The following TOGARAM2 variants were observed in gnomAD, a reference collection of about 807,000 sequenced individuals.
TOGARAM2 encodes TOG array regulator of axonemal microtubules protein 2.
In TOGARAM2, 85 loss-of-function variants were observed where a neutral mutation model predicts 93.3. The observed-to-expected ratio is 0.91, with a 90% CI of 0.76 to 1.09. The LOEUF (loss-of-function observed/expected upper bound fraction) is 1.09. TOGARAM2 is among the 50% of genes least tolerant of loss of function. TOGARAM2 has a pLI of 0.00. For synonymous variants in TOGARAM2, 593 were observed against 552.8 expected (o/e 1.07, Z -1.02); for missense variants, 1,277 against 1,334.5 (o/e 0.96, Z 0.67).
At chr2:28,965,639 T>C (rs998873926) in intron 1 of TOGARAM2, among the ~76,000 whole-genome samples, 1 of 152,336 alleles carries the variant, frequency 6.6e-6, no homozygotes. Flanking sequence ...TACCCTCTTG[T>C]GCACATCTTA....
upstream of TOGARAM2, among the ~76,000 whole-genome samples, chr2:28,980,892 G>A (rs1458081245): frequency 6.6e-6 from 1 of 152,196 alleles, no homozygotes; most frequent in African/African-American, 2.4e-5. Flanking sequence ...GAAAGGTAAA[G>A]TTCTGACCAG....
chr2:29,046,724 G>C (rs1666768344), intron 19 of TOGARAM2: 1 of 152,364 alleles, frequency 6.6e-6, no homozygotes, highest in African/African-American at 2.4e-5. Context: ...TCTTGGTGAG[G>C]AGCCCAGGAT....
intron 18 of TOGARAM2, among the ~76,000 whole-genome samples, chr2:29,039,558 T>C (rs1666313834): frequency 6.6e-6 from 1 of 152,156 alleles, no homozygotes; most frequent in Admixed American, 6.5e-5. Flanking sequence ...AATCCCTTGG[T>C]TTCCCCAGGC....
chr2:28,988,512 CCCCT>C (rs1259388432), intron 1 of TOGARAM2, among the ~76,000 whole-genome samples: 1 of 152,162 alleles, frequency 6.6e-6, no homozygotes, highest in African/African-American at 2.4e-5. Context: ...TCCATCAGCT[CCCCT>C]CCCTCCCCTG....
At chr2:29,011,808 C>T (rs748323389) in intron 7 of TOGARAM2, among the ~76,000 whole-genome samples, 11 of 152,212 alleles carry the variant, frequency 7.2e-5, no homozygotes, top group African/African-American at 1.4e-4. Flanking sequence ...GTGTGACAGA[C>T]GAGCTGGCAC....
chr2:29,019,281 A>G (rs996422382), intron 10 of TOGARAM2, among the ~76,000 whole-genome samples: 1 of 150,674 alleles, frequency 6.6e-6, no homozygotes, highest in Non-Finnish European at 1.5e-5. Context: ...CCTGGGTTCA[A>G]GTGATCTTGC....
At position 29,041,190 on chromosome 2, in the gene TOGARAM2, A is replaced by G. The variant is rs563279002; in HGVS notation, c.2636-4134A>G. ...CAGGTGCATGTCACCACACCCGGCC[A>G]ATTTTTGTCTTTTAGTAGAGATGGG... is the stretch of plus-strand genomic sequence containing the variant. On this transcript the variant is annotated intron_variant, in intron 18 of 19. Coordinates refer to ENST00000379558, the MANE Select transcript of TOGARAM2 (RefSeq NM_199280.4). Among the ~76,000 whole-genome samples the G allele has an allele frequency of 2.0e-5, 3 of 152,112 alleles. No homozygotes were observed. In the East Asian group the frequency reaches 5.8e-4, roughly 29 times the overall value.
intron 6 of TOGARAM2, among the ~76,000 whole-genome samples, chr2:29,006,330 A>T (rs1663840048): frequency 1.7e-5 from 2 of 114,572 alleles, no homozygotes; most frequent in African/African-American, 7.0e-5. Context: ...GAGTGTGTGC[A>T]TGTGTGTGTA....
rs780628774 is a variant in TOGARAM2 at position 29,052,017 on chromosome 2, G to C, written c.2984G>C (p.Ser995Thr). The change falls in exon 20 of 20, where the codon AGC becomes ACC. Residue 995 changes from serine (S) to threonine (T), a missense_variant. By Grantham distance (58) the Ser-to-Thr change is moderately conservative. Coordinates refer to ENST00000379558, the MANE Select transcript of TOGARAM2 (RefSeq NM_199280.4). ...TTAGACTCAGAGTCCTTGGGAGGCA[G>C]CCGCAAGGCCACTGACAGAGGGGTG... ...ELLDSESLGGSRKATDRGVAP... is the reference protein window; with the variant it reads ...ELLDSESLGGTRKATDRGVAP... The C allele has an allele frequency of 1.7e-5, 27 of 1,612,042 alleles. No individual in the cohort carries two copies. The highest frequency in any genetic ancestry group is 2.3e-5 in the Non-Finnish European group (27 of 1,179,278).
At chr2:29,020,982 C>T (rs1664906012) in intron 10 of TOGARAM2, among the ~76,000 whole-genome samples, 1 of 152,128 alleles carries the variant, frequency 6.6e-6, no homozygotes, top group Non-Finnish European at 1.5e-5. Flanking sequence ...GACATGATCT[C>T]GGCTCACTGC....
intron 16 of TOGARAM2, among the ~76,000 whole-genome samples, chr2:29,033,885 A>G (rs905526098): frequency 1.3e-5 from 2 of 152,126 alleles, no homozygotes; most frequent in East Asian, 1.9e-4. Context: ...CGCTTAGACC[A>G]GCAGATCCTT....
chr2:29,028,630 A>G (rs1665556304), intron 14 of TOGARAM2, among the ~76,000 whole-genome samples: 1 of 152,156 alleles, frequency 6.6e-6, no homozygotes, highest in Admixed American at 6.5e-5. Context: ...AATTAAAAAA[A>G]AAAGCCTCTC....
intron 1 of TOGARAM2, among the ~76,000 whole-genome samples, chr2:28,961,538 A>G (rs573684923): frequency 1.3e-5 from 2 of 152,116 alleles, no homozygotes; most frequent in Non-Finnish European, 2.9e-5. Context: ...ATGGGGTTTT[A>G]CCATGTTGGC....
At chr2:28,994,885 T>G in intron 2 of TOGARAM2, 23 bp downstream of exon 2, 2 of 1,551,700 alleles carry the variant, frequency 1.3e-6, no homozygotes, top group Non-Finnish European at 1.7e-6. Context: ...ATGGGAGGCC[T>G]GCTGCTGGTG....
intron 2 of TOGARAM2, among the ~76,000 whole-genome samples, chr2:28,995,180 G>T (rs1672931525): frequency 6.6e-6 from 1 of 152,232 alleles, no homozygotes; most frequent in African/African-American, 2.4e-5. Flanking sequence ...ATGTGGATGG[G>T]CAGGGGATAT....
chr2:29,011,000 C>T (rs1332954071), intron 6 of TOGARAM2, among the ~76,000 whole-genome samples: 6 of 152,198 alleles, frequency 3.9e-5, no homozygotes, highest in East Asian at 1.9e-4. Flanking sequence ...ATTACAATCA[C>T]GAGTGGGACT....
At chr2:29,011,427 A>G in intron 6 of TOGARAM2, 28 bp from the exon 7 acceptor site, 1 of 1,608,774 alleles carries the variant, frequency 6.2e-7, no homozygotes, top group Non-Finnish European at 8.5e-7. Context: ...ATCCCTCATG[A>G]TGCTTTTCTC....
At chr2:29,007,837 G>A (rs1663977532) in intron 6 of TOGARAM2, among the ~76,000 whole-genome samples, 1 of 151,974 alleles carries the variant, frequency 6.6e-6, no homozygotes. Flanking sequence ...CAGACCCTGA[G>A]GACCTATTAC....
At chr2:28,968,226 G>A (rs868292690) in intron 1 of TOGARAM2, among the ~76,000 whole-genome samples, 1 of 152,162 alleles carries the variant, frequency 6.6e-6, no homozygotes, top group Non-Finnish European at 1.5e-5. Flanking sequence ...AGAGCGATAG[G>A]TATAAAATCA....
Sources: allele counts gnomAD v4.1 joint callset (sites outside exome capture counted in the v4.1 genomes callset), GRCh38; gene constraint gnomAD v4.1.1; transcripts MANE v1.5; gene names NCBI Gene and HGNC (gene_info 2026-07-23, HGNC 2026-07-21).